Variants in DNAJC1 observed in about 807,000 individuals in gnomAD.
DNAJC1 encodes the protein DnaJ heat shock protein family (Hsp40) member C1.
DNAJC1 carries 58 observed loss-of-function variants against 76.6 expected under a neutral mutation model. The ratio of observed to expected loss-of-function variants is 0.76; its 90% confidence interval spans 0.61 to 0.94. DNAJC1 has a LOEUF of 0.94. DNAJC1 is among the 40% of genes least tolerant of loss of function. The pLI is 0.00. For missense variants in DNAJC1, 689 were observed against 677.3 expected (o/e 1.02, Z -0.19); for synonymous variants, 258 against 267.9 (o/e 0.96, Z 0.36).
chr10:21,954,916 G>A (rs746338275), intron 1 of DNAJC1, among the ~76,000 whole-genome samples: 4 of 152,142 alleles, frequency 2.6e-5, no homozygotes, highest in African/African-American at 2.4e-5. Flanking sequence ...GTGTGCCAGG[G>A]TAGTCCTCAC....
At chr10:21,859,917 G>A (rs1426144405) in intron 8 of DNAJC1, among the ~76,000 whole-genome samples, 1 of 151,986 alleles carries the variant, frequency 6.6e-6, no homozygotes. Flanking sequence ...CTCAGTAGCT[G>A]GGATTACAGG....
rs1243690739 is a variant in DNAJC1, at chr10:21,806,027, C to T, written c.1051G>A (p.Gly351Ser). ...SMVKFPGGTP[G>S]RWEKIAHELG... is the part of the protein sequence containing the mutation. ...TCGTGGGCAATCTTTTCCCATCGAC[C>T]TGGAGTCCCTCCTGGGAACTTAACC... Residue 351 changes from glycine (G) to serine (S), a missense_variant, in exon 9 of 12, where the codon GGT (glycine) becomes AGT (serine). Physicochemically the swap from Gly to Ser is moderately conservative, Grantham distance 56. Coordinates refer to ENST00000376980, the MANE Select transcript of DNAJC1 (RefSeq NM_022365.4). 1.2e-6 allele frequency: 2 copies of T among 1,611,874 alleles called. No homozygotes were observed. Among genetic ancestry groups the T allele is most frequent in the African/African-American group, 1.3e-5 (1 of 74,958 alleles).
chr10:21,878,906 A>C (rs1241992285), intron 8 of DNAJC1, among the ~76,000 whole-genome samples: 1 of 152,064 alleles, frequency 6.6e-6, no homozygotes, highest in Non-Finnish European at 1.5e-5. Flanking sequence ...ACATTTCTCC[A>C]ACAAAAATAA....
At chr10:21,768,842 G>A (rs566339621) in intron 9 of DNAJC1, among the ~76,000 whole-genome samples, 1 of 152,042 alleles carries the variant, frequency 6.6e-6, no homozygotes, top group Admixed American at 6.6e-5. Context: ...CCTTCCCCTT[G>A]AGGCTAAATC....
chr10:21,863,161 C>T (rs1376472682), intron 8 of DNAJC1, among the ~76,000 whole-genome samples: 2 of 151,294 alleles, frequency 1.3e-5, no homozygotes, highest in African/African-American at 4.9e-5. Flanking sequence ...AACAAAAAAC[C>T]CAGACTAAGT....
chr10:21,990,745 G>A (rs1838315736), intron 1 of DNAJC1, among the ~76,000 whole-genome samples: 1 of 152,150 alleles, frequency 6.6e-6, no homozygotes, highest in Non-Finnish European at 1.5e-5. Flanking sequence ...TTGTTTTGTT[G>A]TTGTTTTTCC....
chr10:21,880,733 T>C (rs997403416), intron 8 of DNAJC1, among the ~76,000 whole-genome samples: 6 of 152,170 alleles, frequency 3.9e-5, no homozygotes, highest in Non-Finnish European at 8.8e-5. Context: ...TAGAATGGAT[T>C]TAGCATAATT....
chr10:21,800,623 G>T (rs1045948815), intron 9 of DNAJC1, among the ~76,000 whole-genome samples: 13 of 152,148 alleles, frequency 8.5e-5, no homozygotes, highest in Non-Finnish European at 4.4e-5. Flanking sequence ...CTTATTTATT[G>T]CCATGAAAGA....
chr10:21,870,377 T>C (rs1226277534), intron 8 of DNAJC1, among the ~76,000 whole-genome samples: 1 of 152,060 alleles, frequency 6.6e-6, no homozygotes, highest in Non-Finnish European at 1.5e-5. Context: ...CACCCCTCCA[T>C]AAAAGCAACA....
intron 1 of DNAJC1, among the ~76,000 whole-genome samples, chr10:21,984,711 T>G (rs1838211466): frequency 6.6e-6 from 1 of 152,212 alleles, no homozygotes; most frequent in African/African-American, 2.4e-5. Flanking sequence ...TTTGGGAACT[T>G]TTCTAGAAAG....
chr10:21,868,231 T>C (rs953695177), intron 8 of DNAJC1, among the ~76,000 whole-genome samples: 9 of 149,732 alleles, frequency 6.0e-5, no homozygotes, highest in African/African-American at 2.0e-4. Context: ...TTCAAGTGAT[T>C]CTCCTGCCTC....
intron 10 of DNAJC1, 51 bp downstream of exon 10, chr10:21,766,210 A>G: frequency 1.5e-6 from 2 of 1,332,266 alleles, no homozygotes; most frequent in Non-Finnish European, 2.1e-6. Flanking sequence ...AAAGGGATTA[A>G]TTTAGAAGAA....
chr10:21,773,803 A>AT (rs201344852), intron 9 of DNAJC1, among the ~76,000 whole-genome samples: 1,567 of 140,076 alleles, frequency 0.011, 10 homozygotes, highest in Non-Finnish European at 0.015. Flanking sequence ...CTCTTTATTA[A>AT]TTTTTTTTTT....
chr10:21,978,705 A>G (rs1462056676), intron 1 of DNAJC1, among the ~76,000 whole-genome samples: 1 of 152,134 alleles, frequency 6.6e-6, no homozygotes, highest in Non-Finnish European at 1.5e-5. Flanking sequence ...AAGAGGGAAA[A>G]GACTGGAAAC....
chr10:21,803,627 G>T (rs1397139116), intron 9 of DNAJC1, among the ~76,000 whole-genome samples: 1 of 149,540 alleles, frequency 6.7e-6, no homozygotes, highest in Non-Finnish European at 1.5e-5. Context: ...GTGTGTGTAT[G>T]TATGTGTGTG....
intron 9 of DNAJC1, among the ~76,000 whole-genome samples, chr10:21,791,615 A>G (rs1302122973): frequency 6.6e-6 from 1 of 152,236 alleles, no homozygotes; most frequent in African/African-American, 2.4e-5. Context: ...CAAATATATG[A>G]AAATTAAATG....
At chr10:21,964,572 T>A (rs571761559) in intron 1 of DNAJC1, among the ~76,000 whole-genome samples, 66 of 152,274 alleles carry the variant, frequency 4.3e-4, no homozygotes, top group African/African-American at 1.5e-3. Flanking sequence ...TCTCATACAA[T>A]GTTTGCTTAG....
chr10:21,832,590 T>C (rs1835377931), intron 8 of DNAJC1, among the ~76,000 whole-genome samples: 1 of 152,218 alleles, frequency 6.6e-6, no homozygotes, highest in African/African-American at 2.4e-5. Flanking sequence ...CCTTATTGCA[T>C]TATCCAATCA....
Position 22,003,440 on chromosome 10 carries a change from TG to T in DNAJC1, c.-7del. ...TGGGAGCAAGGAGCCGTCATCGCGC[TG>T]GGCTCGGAAAGGTCACCCGCCGCGC... On this transcript the variant is annotated 5_prime_UTR_variant, in exon 1 of 12. Coordinates refer to ENST00000376980, the MANE Select transcript of DNAJC1 (RefSeq NM_022365.4). 7.3e-7 allele frequency: 1 copy of T among 1,361,760 alleles called. No individual in the cohort carries two copies. 84.4% of individuals were successfully genotyped at this position (1,361,760 alleles called of 1,614,324 possible).
Sources: allele counts gnomAD v4.1 joint callset (sites outside exome capture counted in the v4.1 genomes callset), GRCh38; gene constraint gnomAD v4.1.1; transcripts MANE v1.5; gene names NCBI Gene and HGNC (gene_info 2026-07-23, HGNC 2026-07-21).